Variants in LRRTM4 observed in about 807,000 individuals in gnomAD.
The protein encoded by LRRTM4 is leucine rich repeat transmembrane neuronal 4.
Under a neutral mutation model 47.6 loss-of-function variants are expected in LRRTM4, and 25 were observed. The observed-to-expected ratio is 0.53, with a 90% CI of 0.38 to 0.73. The LOEUF (loss-of-function observed/expected upper bound fraction) is 0.73. Among genes scored for constraint, LRRTM4 ranks in the 30% least tolerant of loss-of-function variants. The pLI, the probability that LRRTM4 is intolerant of heterozygous loss-of-function variation, is 0.00. For missense variants in LRRTM4, 638 were observed against 713.4 expected (o/e 0.89, Z 1.20); for synonymous variants, 311 against 269.5 (o/e 1.15, Z -1.51).
intron 3 of LRRTM4, among the ~76,000 whole-genome samples, chr2:77,071,619 C>G (rs1329486464): frequency 6.6e-6 from 1 of 152,142 alleles, no homozygotes; most frequent in African/African-American, 2.4e-5. Context: ...GTAACATTAT[C>G]TAAGTCTGAA....
At chr2:76,895,791 A>C (rs1287114696) in intron 3 of LRRTM4, among the ~76,000 whole-genome samples, 1 of 151,380 alleles carries the variant, frequency 6.6e-6, no homozygotes, top group Non-Finnish European at 1.5e-5. Flanking sequence ...AATTAAGAAA[A>C]TGGCTAACTT....
At chr2:77,044,118 G>C (rs1230717107) in intron 3 of LRRTM4, among the ~76,000 whole-genome samples, 1 of 151,572 alleles carries the variant, frequency 6.6e-6, no homozygotes, top group Non-Finnish European at 1.5e-5. Context: ...GAAGGACCTG[G>C]AATTATTTAA....
intron 3 of LRRTM4, among the ~76,000 whole-genome samples, chr2:76,981,206 A>T (rs757077233): frequency 1.1e-4 from 17 of 152,120 alleles, no homozygotes; most frequent in Non-Finnish European, 1.8e-4. Context: ...AACACTGGTT[A>T]TATGTGGGAA....
chr2:76,879,046 G>A (rs1190933972), intron 3 of LRRTM4, among the ~76,000 whole-genome samples: 1 of 152,158 alleles, frequency 6.6e-6, no homozygotes, highest in African/African-American at 2.4e-5. Context: ...AGCTAGCAGA[G>A]GCTGGTTCAA....
chr2:77,276,089 G>A (rs181221462), intron 3 of LRRTM4, among the ~76,000 whole-genome samples: 2 of 152,012 alleles, frequency 1.3e-5, no homozygotes, highest in Non-Finnish European at 2.9e-5. Flanking sequence ...AAGAAAAAAT[G>A]ATATTCAATC....
chr2:77,473,926 A>G (rs1677282969), intron 3 of LRRTM4, among the ~76,000 whole-genome samples: 1 of 152,076 alleles, frequency 6.6e-6, no homozygotes, highest in Non-Finnish European at 1.5e-5. Flanking sequence ...CCATTTGCTC[A>G]ATTAGTCCTG....
intron 3 of LRRTM4, among the ~76,000 whole-genome samples, chr2:76,777,600 C>G (rs1354553341): frequency 3.4e-5 from 5 of 148,470 alleles, no homozygotes; most frequent in African/African-American, 1.3e-4. Flanking sequence ...GATTTTTGCA[C>G]ATTGATTTTG....
intron 3 of LRRTM4, among the ~76,000 whole-genome samples, chr2:76,788,033 C>G (rs1447676863): frequency 6.6e-6 from 1 of 152,030 alleles, no homozygotes; most frequent in Non-Finnish European, 1.5e-5. Context: ...AGAACCTTCT[C>G]TGGTAGGAAA....
chr2:77,219,482 T>C (rs957914362), intron 3 of LRRTM4, among the ~76,000 whole-genome samples: 15 of 152,142 alleles, frequency 9.9e-5, no homozygotes, highest in Admixed American at 2.6e-4. Flanking sequence ...AGAAACACGA[T>C]TTAACAGGTG....
intron 3 of LRRTM4, among the ~76,000 whole-genome samples, chr2:77,026,004 T>A (rs1174287221): frequency 3.9e-5 from 6 of 152,122 alleles, no homozygotes; most frequent in African/African-American, 1.4e-4. Flanking sequence ...AAATAAAGCA[T>A]GTGCAATGGG....
At position 76,909,611 on chromosome 2, in the gene LRRTM4, T is replaced by C. The variant is rs1357442762; in HGVS notation, c.1552-160695A>G. 3.3e-5 allele frequency among the ~76,000 whole-genome samples: 5 copies of C among 152,104 alleles called. No individual in the cohort carries two copies. In the East Asian group the frequency reaches 9.7e-4, roughly 29 times the overall value. ...ACCTACTCATTTGACAAAGGGCTAA[T>C]ATCCAGAATCTACAATGAACTCAAA... On this transcript the variant is annotated intron_variant, in intron 3 of 3. Coordinates refer to ENST00000409884, the MANE Select transcript of LRRTM4 (RefSeq NM_001134745.3).
intron 3 of LRRTM4, among the ~76,000 whole-genome samples, chr2:77,456,410 T>G (rs1676542495): frequency 2.0e-5 from 3 of 152,172 alleles, no homozygotes; most frequent in Non-Finnish European, 4.4e-5. Flanking sequence ...ATTCTCAAAC[T>G]AAAGTAGGCT....
At position 77,480,818 on chromosome 2, in the gene LRRTM4, GTGTGGAGAGAGAGAGAGAGA is replaced by G. The variant is rs1440654300; in HGVS notation, c.1551+37480_1551+37499del. Among the ~76,000 whole-genome samples the G allele has an allele frequency of 1.7e-3, 193 of 114,970 alleles. 1 individual carries two copies. Among genetic ancestry groups the G allele is most frequent in the Middle Eastern group, 0.016 (4 of 248 alleles). 75.4% of individuals were successfully genotyped at this position (114,970 alleles called of 152,430 possible). A position where few individuals can be genotyped will look rare whatever the true frequency, so the allele number is the denominator to read the frequency against. Reference sequence around the variant, plus strand: ...TGTGTGTGTGTGTGTGTGTGTGTGTGTGTGGAGAGAGAGAGAGAGAGAGAGAGAGAGAGAGAGAGAGAGAG... The same window carrying G: ...TGTGTGTGTGTGTGTGTGTGTGTGTGGAGAGAGAGAGAGAGAGAGAGAGAG... On this transcript the variant is annotated intron_variant, in intron 3 of 3. Transcript: ENST00000409884.
intron 3 of LRRTM4, among the ~76,000 whole-genome samples, chr2:76,879,580 G>C (rs1208301416): frequency 6.6e-6 from 1 of 152,166 alleles, no homozygotes; most frequent in African/African-American, 2.4e-5. Context: ...CTCTTATGGA[G>C]ATATGCAAGA....
At chr2:77,132,292 T>C (rs538570832) in intron 3 of LRRTM4, among the ~76,000 whole-genome samples, 158 of 152,178 alleles carry the variant, frequency 1.0e-3, no homozygotes, top group Non-Finnish European at 1.8e-3. Context: ...TGACTTTCAT[T>C]TCCATTCATG....
At chr2:77,138,623 A>G (rs1659694) in intron 3 of LRRTM4, among the ~76,000 whole-genome samples, 47,615 of 152,010 alleles carry the variant, frequency 0.31, 7,746 homozygotes, top group African/African-American at 0.38. Flanking sequence ...AACTAAGATC[A>G]GAGCAGAACT....
intron 3 of LRRTM4, among the ~76,000 whole-genome samples, chr2:77,105,530 G>T: frequency 8.1e-6 from 1 of 123,024 alleles, no homozygotes; most frequent in South Asian, 3.1e-4. Flanking sequence ...GAGGGGGGAG[G>T]GATAGCATTT....
At chr2:77,038,423 T>C (rs1190431130) in intron 3 of LRRTM4, among the ~76,000 whole-genome samples, 2 of 151,544 alleles carry the variant, frequency 1.3e-5, no homozygotes, top group African/African-American at 2.4e-5. Context: ...TTTCACAAGT[T>C]AGCATTACCT....
intron 3 of LRRTM4, among the ~76,000 whole-genome samples, chr2:76,789,201 G>A (rs1243728434): frequency 6.6e-6 from 1 of 152,182 alleles, no homozygotes; most frequent in African/African-American, 2.4e-5. Context: ...TGCCTGCTTT[G>A]TTTTCTTCAC....
Sources: allele counts gnomAD v4.1 joint callset (sites outside exome capture counted in the v4.1 genomes callset), GRCh38; gene constraint gnomAD v4.1.1; transcripts MANE v1.5; gene names NCBI Gene and HGNC (gene_info 2026-07-23, HGNC 2026-07-21).